ANKRD11: variants seen among roughly 807,000 people sequenced by gnomAD.
ANKRD11 encodes the protein ankyrin repeat domain 11.
In ANKRD11, 17 loss-of-function variants were observed where a neutral mutation model predicts 195.7. The ratio of observed to expected loss-of-function variants is 0.09; its 90% confidence interval spans 0.06 to 0.13. ANKRD11 has a LOEUF of 0.13. Among genes scored for constraint, ANKRD11 ranks in the 10% least tolerant of loss-of-function variants. ANKRD11 has a pLI of 1.00. For missense variants in ANKRD11, 3,735 were observed against 3,566.1 expected (o/e 1.05, Z -1.21); for synonymous variants, 1,953 against 1,528.1 (o/e 1.28, Z -6.49).
intron 4 of ANKRD11, among the ~76,000 whole-genome samples, chr16:89,304,277 C>T (rs763155506): frequency 1.3e-5 from 2 of 152,114 alleles, no homozygotes; most frequent in Non-Finnish European, 2.9e-5. Flanking sequence ...CACACGGGCA[C>T]ACAGGCATGC....
chr16:89,321,137 C>A (rs2037296281), intron 2 of ANKRD11: 1 of 152,568 alleles, frequency 6.6e-6, no homozygotes, highest in Non-Finnish European at 1.5e-5. Flanking sequence ...AGCTGCGATT[C>A]CCTCTGCTCC....
chr16:89,327,020 T>A (rs1401946353), intron 2 of ANKRD11, among the ~76,000 whole-genome samples: 1 of 139,840 alleles, frequency 7.2e-6, no homozygotes, highest in South Asian at 2.3e-4. Flanking sequence ...AATGCAGAGG[T>A]GGGGAATGCA....
intron 4 of ANKRD11, among the ~76,000 whole-genome samples, chr16:89,292,903 G>A (rs985330238): frequency 2.0e-5 from 3 of 152,212 alleles, no homozygotes; most frequent in Admixed American, 6.5e-5. Flanking sequence ...CCCGGGGGCC[G>A]GCCCTCCCCA....
intron 2 of ANKRD11, among the ~76,000 whole-genome samples, chr16:89,364,731 G>C (rs1244854484): frequency 6.6e-6 from 1 of 152,190 alleles, no homozygotes; most frequent in Non-Finnish European, 1.5e-5. Flanking sequence ...GCCGCGGGCT[G>C]GACAAGCTTG....
chr16:89,299,293 T>C (rs1262236051), intron 4 of ANKRD11: 2 of 216,322 alleles, frequency 9.2e-6, no homozygotes, highest in African/African-American at 2.4e-5. Context: ...GGGCTGGCCC[T>C]GCCCTGCGTG....
intron 1 of ANKRD11, among the ~76,000 whole-genome samples, chr16:89,424,061 G>C (rs2042620463): frequency 6.6e-6 from 1 of 152,048 alleles, no homozygotes; most frequent in South Asian, 2.1e-4. Flanking sequence ...GGAACTGGGG[G>C]AGGGACTTGC....
intron 1 of ANKRD11, among the ~76,000 whole-genome samples, chr16:89,456,464 C>G (rs1359163853): frequency 6.6e-6 from 1 of 150,832 alleles, no homozygotes; most frequent in Admixed American, 6.6e-5. Context: ...AGGAGAATCA[C>G]TTGAACCCGG....
At chr16:89,397,459 G>A (rs2041492163) in intron 2 of ANKRD11, among the ~76,000 whole-genome samples, 2 of 152,230 alleles carry the variant, frequency 1.3e-5, no homozygotes, top group Non-Finnish European at 2.9e-5. Flanking sequence ...CCACACAGGG[G>A]GACCCACAGG....
intron 2 of ANKRD11, among the ~76,000 whole-genome samples, chr16:89,348,621 T>G (rs925721062): frequency 2.0e-5 from 3 of 152,236 alleles, no homozygotes; most frequent in African/African-American, 7.2e-5. Context: ...TTCAATTTCT[T>G]TAATAGATAC....
chr16:89,292,413 TCAC>T (rs2035121205), intron 4 of ANKRD11, among the ~76,000 whole-genome samples: 2 of 152,228 alleles, frequency 1.3e-5, no homozygotes, highest in Non-Finnish European at 2.9e-5. Flanking sequence ...CTCTTGCTGT[TCAC>T]CACCATGGTC....
At chr16:89,409,673 C>T (rs1356477854) in intron 2 of ANKRD11, among the ~76,000 whole-genome samples, 1 of 152,198 alleles carries the variant, frequency 6.6e-6, no homozygotes, top group African/African-American at 2.4e-5. Context: ...CACACGAAAA[C>T]TGGTTGTCGT....
chr16:89,288,927 G>A (rs962213644), intron 6 of ANKRD11: 7 of 587,002 alleles, frequency 1.2e-5, no homozygotes, highest in South Asian at 3.9e-5. Context: ...GCTAATCTGC[G>A]GCAATCACCC....
intron 4 of ANKRD11, chr16:89,299,689 T>C (rs2035704173): frequency 2.0e-5 from 4 of 197,282 alleles, no homozygotes; most frequent in South Asian, 9.4e-5. Flanking sequence ...GTGCCCTGTG[T>C]GGGATGCCTG....
Position 89,301,201 on chromosome 16 carries a change from G to C in ANKRD11, c.226+4005C>G, listed in dbSNP as rs370160232. ...GGCTCACTGCAGCCTTGACCTCCTA[G>C]CCTCAAGGGATCCTCCCGCCAAAGT... On this transcript the variant is annotated intron_variant, in intron 4 of 12. Transcript: ENST00000301030. 51 of 421,862 alleles carry C rather than the reference G, an allele frequency of 1.2e-4. No individual in the cohort carries two copies. The East Asian group carries it at 1.8e-3, about 15-fold the overall frequency. The allele number at this position is 421,862 out of a possible 1,614,324, so 26.1% of individuals were successfully genotyped here. A position where few individuals can be genotyped will look rare whatever the true frequency, so the allele number is the denominator to read the frequency against.
chr16:89,333,712 T>C (rs1597682947), intron 2 of ANKRD11, among the ~76,000 whole-genome samples: 2 of 152,216 alleles, frequency 1.3e-5, no homozygotes, highest in African/African-American at 2.4e-5. Flanking sequence ...TGGACCTTGG[T>C]TGACTGATCC....
intron 11 of ANKRD11, among the ~76,000 whole-genome samples, chr16:89,273,561 G>A (rs1040017286): frequency 6.6e-6 from 1 of 152,122 alleles, no homozygotes; most frequent in African/African-American, 2.4e-5. Context: ...GCCGGGCATG[G>A]TAGCGCATGC....
At chr16:89,356,854 C>T (rs996064482) in intron 2 of ANKRD11, among the ~76,000 whole-genome samples, 5 of 151,330 alleles carry the variant, frequency 3.3e-5, no homozygotes, top group African/African-American at 1.2e-4. Flanking sequence ...AAGGATAATG[C>T]ACATAATAAA....
chr16:89,341,928 A>T (rs2038690863), intron 2 of ANKRD11, among the ~76,000 whole-genome samples: 1 of 149,192 alleles, frequency 6.7e-6, no homozygotes, highest in Admixed American at 6.7e-5. Context: ...CCACGGCGGG[A>T]GTGCTGCACC....
At chr16:89,447,791 A>T (rs1481496679) in intron 1 of ANKRD11, among the ~76,000 whole-genome samples, 1 of 151,124 alleles carries the variant, frequency 6.6e-6, no homozygotes, top group Admixed American at 6.6e-5. Context: ...TTCCTAAAAT[A>T]CAATAACTTT....
Sources: gnomAD v4.1 joint callset for allele counts (sites outside exome capture counted in the v4.1 genomes callset) on GRCh38, gnomAD v4.1.1 for gene constraint, MANE v1.5 for transcripts, NCBI Gene and HGNC (gene_info 2026-07-23, HGNC 2026-07-21) for gene names.